The following ZNF628 variants were observed in gnomAD, a reference collection of about 807,000 sequenced individuals.
ZNF628 encodes zinc finger protein Zec.
Under a neutral mutation model 2.5 loss-of-function variants are expected in ZNF628, and 3 were observed. The observed-to-expected ratio is 1.19, with a 90% confidence interval of 0.54 to 3.07. The LOEUF is 3.07. ZNF628 is among the 30% of genes most tolerant of loss of function. The probability of loss-of-function intolerance (pLI) is 0.03; values close to 1 mark genes in which losing one functional copy is unlikely to be tolerated. For missense variants in ZNF628, 1,610 were observed against 1,517.1 expected, an observed-to-expected ratio of 1.06 and a Z score of -1.02; for synonymous variants, 861 against 717.1, an observed-to-expected ratio of 1.20 and a Z score of -3.21.
rs1350091288 is a variant in ZNF628, at chr19:55,481,930, C to T, written c.737C>T (p.Pro246Leu). ...GCCCCGCCCCCCCAGTCCCGGGAGC[C>T]CGGCAAGGTCTTCGTGTGCGACGCC... ...SAAPPPQSRE[P>L]GKVFVCDAYL... is the part of the protein sequence containing the mutation. Residue 246 changes from proline (P) to leucine (L), a missense_variant, in exon 3 of 3, where the codon CCC becomes CTC. Coordinates refer to ENST00000598519, the MANE Select transcript of ZNF628 (RefSeq NM_033113.3). 3 of 1,477,396 alleles carry T rather than the reference C, an allele frequency of 2.0e-6. No individual in the cohort carries two copies. The highest frequency in any genetic ancestry group is 2.9e-5 in the African/African-American group (2 of 68,242). 91.5% of individuals were successfully genotyped at this position (1,477,396 alleles called of 1,614,324 possible). A position where few individuals can be genotyped will look rare whatever the true frequency, so the allele number is the denominator to read the frequency against.
Position 55,483,497 on chromosome 19 carries a change from C to T in ZNF628, c.2304C>T (p.Gly768=), listed in dbSNP as rs754928147. 6.5e-7 allele frequency: 1 copy of T among 1,542,066 alleles called. No individual in the cohort carries two copies. The highest frequency in any genetic ancestry group is 8.7e-7 in the Non-Finnish European group (1 of 1,145,572). The change falls in exon 3 of 3, where the codon GGC becomes GGT. Residue 768 remains glycine, a synonymous_variant. Transcript: ENST00000598519. The stretch of plus-strand genomic sequence containing the variant: ...GCCCGCGGGCAGTGGGGAAAGCGGG[C>T]CAGGGGGCGGGAGTGGTCTGGCTGC... ...RQGPRAVGKA[G]QGAGVVWLPG...
rs770382838 is a variant in ZNF628, at chr19:55,481,909, C to T, written c.716C>T (p.Pro239Leu). Reference sequence around the variant, plus strand: ...GCCCCGGGTACCGCCTCCGCGGCCCCGCCCCCCCAGTCCCGGGAGCCCGGC... The same window carrying T: ...GCCCCGGGTACCGCCTCCGCGGCCCTGCCCCCCCAGTCCCGGGAGCCCGGC... ...APAPGTASAA[P>L]PPQSREPGKV... is the part of the protein sequence containing the mutation. The change falls in exon 3 of 3, where the codon CCG becomes CTG. Residue 239 changes from proline (P) to leucine (L), a missense_variant. This residue lies in a region of ZNF628 where 651 missense variants were observed against 575.6 expected (regional missense o/e 1.13). Coordinates refer to ENST00000598519, the MANE Select transcript of ZNF628 (RefSeq NM_033113.3). 26 of 1,483,810 alleles carry T rather than the reference C, an allele frequency of 1.8e-5. No individual in the cohort carries two copies. Among genetic ancestry groups the T allele is most frequent in the Non-Finnish European group, 2.0e-5 (22 of 1,121,410 alleles). 91.9% of individuals were successfully genotyped at this position (1,483,810 alleles called of 1,614,324 possible).
chr19:55,483,471 G>C lies in ZNF628; in HGVS notation c.2278G>C (p.Gly760Arg). Residue 760 changes from glycine to arginine, a missense_variant, in exon 3 of 3, where the codon GGC (glycine) becomes CGC (arginine). By Grantham distance (125) the Gly-to-Arg change is moderately radical. Coordinates refer to ENST00000598519, the MANE Select transcript of ZNF628 (RefSeq NM_033113.3). Reference protein sequence around the residue: ...AGAGGGRARQGPRAVGKAGQG... With the variant: ...AGAGGGRARQRPRAVGKAGQG... ...GGCTGGGGGCGGCCGTGCAAGGCAGGGCCCGCGGGCAGTGGGGAAAGCGGG... is the reference window on the plus strand; with the variant it reads ...GGCTGGGGGCGGCCGTGCAAGGCAGCGCCCGCGGGCAGTGGGGAAAGCGGG... 3.9e-6 allele frequency: 6 copies of C among 1,519,934 alleles called. No homozygotes were observed. The highest frequency in any genetic ancestry group is 5.3e-6 in the Non-Finnish European group (6 of 1,136,314). The allele number at this position is 1,519,934 out of a possible 1,614,324, so 94.2% of individuals were successfully genotyped here.
At position 55,484,210 on chromosome 19, in the gene ZNF628, C is replaced by T. The variant is rs1298658985; in HGVS notation, c.3017C>T (p.Ser1006Leu). 2 of 1,546,728 alleles carry T rather than the reference C, an allele frequency of 1.3e-6. No homozygotes were observed. The highest frequency in any genetic ancestry group is 1.4e-5 in the African/African-American group (1 of 72,940). The change falls in exon 3 of 3, where the codon TCA becomes TTA. Residue 1006 changes from serine (S) to leucine (L), a missense_variant. Transcript: ENST00000598519. Reference protein sequence around the residue: ...ATLQLLAPPPSGPASGPAGLP... With the variant: ...ATLQLLAPPPLGPASGPAGLP... ...CTGCAGCTCCTGGCCCCACCGCCGT[C>T]AGGCCCAGCCTCGGGCCCCGCGGGG...
Position 55,481,570 on chromosome 19 carries a change from G to T in ZNF628, c.377G>T (p.Gly126Val). ...CGGGCCTTCATCTGCGGCCAGTGCG[G>T]CCTGGCCTTCAAGTGGTCGTCCCAC... Reference protein sequence around the residue: ...GLRAFICGQCGLAFKWSSHYQ... With the variant: ...GLRAFICGQCVLAFKWSSHYQ... The change falls in exon 3 of 3, where the codon GGC (glycine) becomes GTC (valine). Residue 126 changes from glycine to valine, a missense_variant. By Grantham distance (109) the Gly-to-Val change is moderately radical. Transcript: ENST00000598519. The T allele has an allele frequency of 6.2e-7, 1 of 1,613,166 alleles. No individual in the cohort carries two copies.
intron 1 of ZNF628, among the ~76,000 whole-genome samples, chr19:55,478,900 GAGC>G (rs1986630902): frequency 6.6e-6 from 1 of 152,216 alleles, no homozygotes; most frequent in South Asian, 2.1e-4. Context: ...TGGGGGCGAG[GAGC>G]AGAAGACCAT....
At chr19:55,480,506 C>T (rs566254881) in intron 2 of ZNF628, among the ~76,000 whole-genome samples, 1 of 152,252 alleles carries the variant, frequency 6.6e-6, no homozygotes, top group East Asian at 1.9e-4. Flanking sequence ...CTGAAACCTC[C>T]ACCTCCTGTG....
Position 55,484,448 on chromosome 19 carries a change from GC to G in ZNF628, c.*76del. The G allele has an allele frequency of 7.7e-7, 1 of 1,303,122 alleles. No individual in the cohort carries two copies. The allele number at this position is 1,303,122 out of a possible 1,614,324, so 80.7% of individuals were successfully genotyped here. On this transcript the variant is annotated 3_prime_UTR_variant, in exon 3 of 3. Transcript: ENST00000598519. ...GCCAGCCGGGGCGGGGCAGGGTGCC[GC>G]AGGCTGGGCTTGCTAATAAAGACCC...
intron 1 of ZNF628, among the ~76,000 whole-genome samples, chr19:55,478,557 G>C (rs1377335195): frequency 6.6e-6 from 1 of 152,344 alleles, no homozygotes; most frequent in East Asian, 1.9e-4. Context: ...GACCAGAACT[G>C]TGGCAGATTT....
chr19:55,480,984 GGA>G (rs887860516), intron 2 of ZNF628, among the ~76,000 whole-genome samples: 1 of 152,188 alleles, frequency 6.6e-6, no homozygotes, highest in Non-Finnish European at 1.5e-5. Context: ...AGTTTGCTGG[GGA>G]GTTTCCATTT....
rs765079958 is a variant in ZNF628 at position 55,483,129 on chromosome 19, C to G, written c.1936C>G (p.Pro646Ala). Residue 646 changes from proline (P) to alanine (A), a missense_variant, in exon 3 of 3, where the codon CCG becomes GCG. This residue lies in a region of ZNF628 where 712 missense variants were observed against 603.6 expected (regional missense o/e 1.18). Transcript: ENST00000598519. ...YLQRHLRTHA[P>A]ANTPPSTTAP... ...GCAGCGGCACCTGAGGACGCACGCC[C>G]CGGCCAACACGCCTCCCAGCACCAC... 3.3e-5 allele frequency: 53 copies of G among 1,588,794 alleles called. No homozygotes were observed. Among genetic ancestry groups the G allele is most frequent in the Non-Finnish European group, 4.4e-5 (52 of 1,173,404 alleles).
chr19:55,476,890 G>T (rs1352780302), intron 1 of ZNF628, 83 bp downstream of exon 1: 1 of 149,266 alleles, frequency 6.7e-6, no homozygotes, highest in Non-Finnish European at 1.5e-5. Flanking sequence ...GGGGGGGCGT[G>T]AAACCGGAAG....
rs866380775 is a variant in ZNF628 at position 55,483,394 on chromosome 19, C to A, written c.2201C>A (p.Pro734Gln). ...IPSSVQPPTP[P>Q]PPPAPPKLIL... Reference sequence around the variant, plus strand: ...AGCAGCGTGCAGCCCCCTACACCTCCGCCCCCTCCCGCACCTCCCAAGCTC... The same window carrying A: ...AGCAGCGTGCAGCCCCCTACACCTCAGCCCCCTCCCGCACCTCCCAAGCTC... Residue 734 changes from proline to glutamine, a missense_variant, in exon 3 of 3, where the codon CCG becomes CAG. By Grantham distance (76) the Pro-to-Gln change is moderately conservative. This residue lies in a region of ZNF628 where 712 missense variants were observed against 603.6 expected (regional missense o/e 1.18). Coordinates refer to ENST00000598519, the MANE Select transcript of ZNF628 (RefSeq NM_033113.3). 6.5e-7 allele frequency: 1 copy of A among 1,532,404 alleles called. No homozygotes were observed. Among genetic ancestry groups the A allele is most frequent in the South Asian group, 1.2e-5 (1 of 82,090 alleles). 94.9% of individuals were successfully genotyped at this position (1,532,404 alleles called of 1,614,324 possible).
Position 55,484,052 on chromosome 19 carries a change from G to A in ZNF628, c.2859G>A (p.Glu953=). 6.3e-7 allele frequency: 1 copy of A among 1,594,498 alleles called. No homozygotes were observed. The highest frequency in any genetic ancestry group is 1.3e-5 in the African/African-American group (1 of 74,478). ...AACAGACTCGACTCTGCGTACAGGA[G>A]GTAGAAACACTTCCTCCTGGGCTGA... ...DGEQTRLCVQ[E]VETLPPGLTE... The change falls in exon 3 of 3, where the codon GAG becomes GAA. Residue 953 remains glutamate, a synonymous_variant. Coordinates refer to ENST00000598519, the MANE Select transcript of ZNF628 (RefSeq NM_033113.3).
rs1357448017 is a variant in ZNF628, at chr19:55,483,459, C to A, written c.2266C>A (p.Arg756Ser). Residue 756 changes from arginine to serine, a missense_variant, in exon 3 of 3, where the codon CGT (arginine) becomes AGT (serine). Coordinates refer to ENST00000598519, the MANE Select transcript of ZNF628 (RefSeq NM_033113.3). ...PSSSAGAGGG[R>S]ARQGPRAVGK... ...CTCCAGTGCTGGGGCTGGGGGCGGC[C>A]GTGCAAGGCAGGGCCCGCGGGCAGT... 2.0e-6 allele frequency: 3 copies of A among 1,511,682 alleles called. No individual in the cohort carries two copies. Among genetic ancestry groups the A allele is most frequent in the Admixed American group, 2.2e-5 (1 of 44,994 alleles). The allele number at this position is 1,511,682 out of a possible 1,614,324, so 93.6% of individuals were successfully genotyped here.
Position 55,484,450 on chromosome 19 carries a change from A to G in ZNF628, c.*77A>G. The G allele has an allele frequency of 7.7e-7, 1 of 1,295,768 alleles. No homozygotes were observed. The highest frequency in any genetic ancestry group is 1.7e-5 in the South Asian group (1 of 59,640). The allele number at this position is 1,295,768 out of a possible 1,614,324, so 80.3% of individuals were successfully genotyped here. On this transcript the variant is annotated 3_prime_UTR_variant, in exon 3 of 3. Transcript: ENST00000598519. ...CAGCCGGGGCGGGGCAGGGTGCCGCAGGCTGGGCTTGCTAATAAAGACCCG... is the reference window on the plus strand; with the variant it reads ...CAGCCGGGGCGGGGCAGGGTGCCGCGGGCTGGGCTTGCTAATAAAGACCCG...
In ZNF628 at chr19:55,479,818, G is replaced by A. The variant is rs1044961409; in HGVS notation, c.-77-16G>A. On this transcript the variant is annotated splice_polypyrimidine_tract_variant and intron_variant, in intron 1 of 2. Transcript: ENST00000598519. This position sits in a 1 kb window ranked among gnomAD's most constrained non-coding sequence, Gnocchi z 5.1. Reference sequence around the variant, plus strand: ...AATGTGAGAAACTTCGCGTCTGATTGCTTTTATTTTCACAGAGGCATGATC... The same window carrying A: ...AATGTGAGAAACTTCGCGTCTGATTACTTTTATTTTCACAGAGGCATGATC... The A allele has an allele frequency of 1.8e-5, 7 of 398,494 alleles. No homozygotes were observed. Among genetic ancestry groups the A allele is most frequent in the Non-Finnish European group, 3.1e-5 (7 of 225,916 alleles). The allele number at this position is 398,494 out of a possible 1,614,324, so 24.7% of individuals were successfully genotyped here. A position where few individuals can be genotyped will look rare whatever the true frequency, so the allele number is the denominator to read the frequency against.
In ZNF628 at chr19:55,482,078, C is replaced by A; in HGVS notation, c.885C>A (p.Tyr295Ter). 1 of 1,505,790 alleles carries A rather than the reference C, an allele frequency of 6.6e-7. No homozygotes were observed. Among genetic ancestry groups the A allele is most frequent in the East Asian group, 2.7e-5 (1 of 36,796 alleles). 93.3% of individuals were successfully genotyped at this position (1,505,790 alleles called of 1,614,324 possible). ...CGGAGACCACGGTGGAGCTGGTGTACCGCTGCGATGGCTGCGAGCAGGGAT... is the reference window on the plus strand; with the variant it reads ...CGGAGACCACGGTGGAGCTGGTGTAACGCTGCGATGGCTGCGAGCAGGGAT... ...AAAETTVELVYRCDGCEQGFS... is the reference protein window; with the variant it reads ...AAAETTVELV The change falls in exon 3 of 3, where the codon TAC (tyrosine) becomes TAA (stop). Residue 295 changes from tyrosine to a stop codon, truncating the protein, a stop_gained. Transcript: ENST00000598519. LOFTEE classifies it low-confidence loss of function (END_TRUNC).
In ZNF628 at chr19:55,482,353, G is replaced by A; in HGVS notation, c.1160G>A (p.Arg387His). The stretch of plus-strand genomic sequence containing the variant: ...GGGGCTGCCGGCGGGCAAGCGTTCC[G>A]CTGCGGCAGCTGCGACGGCTCCTTC... The part of the protein sequence containing the change: ...SHGAAGGQAF[R>H]CGSCDGSFPQ... Residue 387 changes from arginine (R) to histidine (H), a missense_variant, in exon 3 of 3, where the codon CGC becomes CAC. Around this residue, in one of 5 missense-constraint regions of ZNF628, gnomAD observed 651 missense variants for 575.6 expected, o/e 1.13. Transcript: ENST00000598519. 2.1e-6 allele frequency: 3 copies of A among 1,441,252 alleles called. No individual in the cohort carries two copies. Among genetic ancestry groups the A allele is most frequent in the Non-Finnish European group, 2.7e-6 (3 of 1,101,628 alleles). The allele number at this position is 1,441,252 out of a possible 1,614,324, so 89.3% of individuals were successfully genotyped here. A position where few individuals can be genotyped will look rare whatever the true frequency, so the allele number is the denominator to read the frequency against.
Sources: allele counts gnomAD v4.1 joint callset (sites outside exome capture counted in the v4.1 genomes callset), GRCh38; gene constraint gnomAD v4.1.1; regional missense constraint gnomAD v4.1.1; non-coding constraint Gnocchi (gnomAD v3.1); transcripts MANE v1.5; gene names NCBI Gene and HGNC (gene_info 2026-07-23, HGNC 2026-07-21).